The following CELF2 variants were observed in gnomAD, a reference collection of about 807,000 sequenced individuals.
CELF2 encodes the protein CUGBP Elav-like family member 2.
Under a neutral mutation model 62.6 loss-of-function variants are expected in CELF2, and 8 were observed. The observed-to-expected ratio is 0.13, with a 90% CI of 0.07 to 0.23. The LOEUF is 0.23. CELF2 is among the 10% of genes least tolerant of loss of function. The probability of loss-of-function intolerance (pLI) is 1.00; values close to 1 mark genes in which losing one functional copy is unlikely to be tolerated. For synonymous variants in CELF2, 258 were observed against 250.0 expected, an observed-to-expected ratio of 1.03 and a Z score of -0.30; for missense variants, 333 against 671.0, an observed-to-expected ratio of 0.50 and a Z score of 5.56.
At chr10:11,129,878 T>G (rs1443816549) in intron 1 of CELF2, among the ~76,000 whole-genome samples, 2 of 152,210 alleles carry the variant, frequency 1.3e-5, no homozygotes, top group Non-Finnish European at 2.9e-5. Context: ...CTCCTTCAGT[T>G]CTGCTCTGAT....
chr10:11,278,110 CA>C (rs559038424), intron 8 of CELF2, among the ~76,000 whole-genome samples: 1 of 151,236 alleles, frequency 6.6e-6, no homozygotes, highest in East Asian at 1.9e-4. Flanking sequence ...AAAATAAAAC[CA>C]AAAAAAAGAA....
chr10:11,157,279 T>A lies in CELF2; in HGVS notation c.75-8207T>A, dbSNP rs117537712. 3.9e-3 allele frequency among the ~76,000 whole-genome samples: 596 copies of A among 152,276 alleles called. 10 individuals are homozygous for A. The East Asian group carries it at 0.047, about 12-fold the overall frequency. On this transcript the variant is annotated intron_variant, in intron 1 of 12. Coordinates refer to ENST00000633077, the MANE Select transcript of CELF2 (RefSeq NM_001326342.2). The surrounding 1 kb of genome is among the most constrained non-coding windows in gnomAD (Gnocchi z 4.9). ...GCGTTTCCCACCTTCCCAGCTCCCT[T>A]CCTTGTTAGAGCCGCCTTTTTCTCC... is the stretch of plus-strand genomic sequence containing the variant.
At chr10:10,748,706 CCACTA>C in the CELF2 span, among the ~76,000 whole-genome samples, 4 of 143,792 alleles carry the variant, frequency 2.8e-5, no homozygotes, top group African/African-American at 1.0e-4. Flanking sequence ...CGAGGTTGTG[CCACTA>C]CACTCCATCC....
At chr10:11,202,961 G>T (rs928115833) in intron 2 of CELF2, among the ~76,000 whole-genome samples, 1 of 144,746 alleles carries the variant, frequency 6.9e-6, no homozygotes, top group African/African-American at 2.7e-5. Flanking sequence ...CTGTGTGTGT[G>T]TGTGTGTGTG....
At position 11,187,840 on chromosome 10, in the gene CELF2, C is replaced by A. The variant is rs571247185; in HGVS notation, c.271+22158C>A. The stretch of plus-strand genomic sequence containing the variant: ...AAAATACATCCACAATACCTTGTTA[C>A]AATTTTGTTTAATTGGCCAAATTTC... On this transcript the variant is annotated intron_variant, in intron 2 of 12. Transcript: ENST00000633077. 4.6e-5 allele frequency among the ~76,000 whole-genome samples: 7 copies of A among 152,310 alleles called. No individual in the cohort carries two copies. The South Asian group carries it at 1.0e-3, about 23-fold the overall frequency.
the CELF2 span, among the ~76,000 whole-genome samples, chr10:10,510,748 G>A: frequency 6.6e-6 from 1 of 152,222 alleles, no homozygotes; most frequent in African/African-American, 2.4e-5. Flanking sequence ...ACTCAGGGAA[G>A]AAGAGTGCTG....
At chr10:10,895,680 T>C (rs1159981320) in intron 1 of CELF2, among the ~76,000 whole-genome samples, 2 of 152,168 alleles carry the variant, frequency 1.3e-5, no homozygotes, top group African/African-American at 4.8e-5. Context: ...AGATGGAGTA[T>C]CATGGACTAA....
At chr10:11,139,839 G>C (rs1004738360) in intron 1 of CELF2, among the ~76,000 whole-genome samples, 1 of 141,000 alleles carries the variant, frequency 7.1e-6, no homozygotes, top group African/African-American at 2.6e-5. Context: ...ACATCATTCA[G>C]TTTTTTTTTT....
the CELF2 span, among the ~76,000 whole-genome samples, chr10:10,770,662 C>G: frequency 1.3e-5 from 2 of 152,214 alleles, no homozygotes; most frequent in South Asian, 4.2e-4. Flanking sequence ...CACCCCACCC[C>G]CCACTCCTCA....
intron 1 of CELF2, among the ~76,000 whole-genome samples, chr10:10,853,535 TCTC>T (rs1215017314): frequency 2.0e-5 from 3 of 151,958 alleles, no homozygotes; most frequent in Non-Finnish European, 1.5e-5. Context: ...CGTAGAATGG[TCTC>T]CTGGTAGGAA....
At chr10:10,494,320 A>G in the CELF2 span, among the ~76,000 whole-genome samples, 4 of 152,238 alleles carry the variant, frequency 2.6e-5, no homozygotes, top group South Asian at 8.3e-4. Flanking sequence ...TTGAATTTCT[A>G]ATAACACATG....
chr10:10,930,467 A>T (rs1276928918), intron 2 of CELF2, among the ~76,000 whole-genome samples: 1 of 152,230 alleles, frequency 6.6e-6, no homozygotes, highest in Non-Finnish European at 1.5e-5. Flanking sequence ...AAAAATTCTT[A>T]AAAGCACATT....
At chr10:10,586,242 T>C in the CELF2 span, among the ~76,000 whole-genome samples, 2 of 152,238 alleles carry the variant, frequency 1.3e-5, no homozygotes, top group African/African-American at 4.8e-5. Context: ...AATAGGTTTC[T>C]ATTCTCAAAA....
the CELF2 span, among the ~76,000 whole-genome samples, chr10:10,477,822 A>T: frequency 6.6e-6 from 1 of 152,100 alleles, no homozygotes; most frequent in Non-Finnish European, 1.5e-5. Flanking sequence ...GAATTGGCCA[A>T]TTCATAAATG....
chr10:10,630,590 C>T, the CELF2 span, among the ~76,000 whole-genome samples: 4 of 152,222 alleles, frequency 2.6e-5, no homozygotes, highest in South Asian at 6.2e-4. Context: ...TGCTGTAAAA[C>T]GTTTTGTAGC....
chr10:10,968,217 C>T (rs2050354636), intron 2 of CELF2, among the ~76,000 whole-genome samples: 1 of 151,338 alleles, frequency 6.6e-6, no homozygotes, highest in Non-Finnish European at 1.5e-5. Flanking sequence ...GACAGCGCAT[C>T]TTTTTTTTTG....
At chr10:11,048,992 C>T (rs2063373546) in intron 1 of CELF2, among the ~76,000 whole-genome samples, 1 of 152,112 alleles carries the variant, frequency 6.6e-6, no homozygotes, top group Admixed American at 6.5e-5. Flanking sequence ...TATTAGAAGC[C>T]AGAGGAGCTT....
chr10:10,999,511 G>A (rs1344685712), intron 2 of CELF2, among the ~76,000 whole-genome samples: 4 of 152,200 alleles, frequency 2.6e-5, no homozygotes, highest in Non-Finnish European at 5.9e-5. Flanking sequence ...TGAGGTGGGA[G>A]GAACACTTGA....
the CELF2 span, among the ~76,000 whole-genome samples, chr10:10,664,336 A>G: frequency 6.6e-6 from 1 of 152,254 alleles, no homozygotes; most frequent in Non-Finnish European, 1.5e-5. Context: ...GTTTTTAAAA[A>G]TGAATATAGA....
Sources: allele counts gnomAD v4.1 joint callset (sites outside exome capture counted in the v4.1 genomes callset), GRCh38; gene constraint gnomAD v4.1.1; non-coding constraint Gnocchi (gnomAD v3.1); transcripts MANE v1.5; gene names NCBI Gene and HGNC (gene_info 2026-07-23, HGNC 2026-07-21).